TNRC6B: variants seen among roughly 807,000 people sequenced by gnomAD.
The protein encoded by TNRC6B is trinucleotide repeat-containing gene 6B protein.
Under a neutral mutation model 203.6 loss-of-function variants are expected in TNRC6B, and 52 were observed. The observed-to-expected ratio is 0.26, with a 90% CI of 0.20 to 0.32. The LOEUF (loss-of-function observed/expected upper bound fraction) is 0.32. TNRC6B is among the 10% of genes least tolerant of loss of function. TNRC6B has a pLI of 1.00. For missense variants in TNRC6B, 1,923 were observed against 2,286.2 expected, an observed-to-expected ratio of 0.84 and a Z score of 3.24; for synonymous variants, 838 against 845.7, an observed-to-expected ratio of 0.99 and a Z score of 0.16.
At chr22:40,154,871 A>ATG (rs2068803922) in intron 3 of TNRC6B, among the ~76,000 whole-genome samples, 1 of 44,154 alleles carries the variant, frequency 2.3e-5, no homozygotes, top group Non-Finnish European at 3.9e-5. Flanking sequence ...ATATATATAT[A>ATG]TATATATATA....
chr22:40,085,002 G>A (rs1601806413), intron 1 of TNRC6B, among the ~76,000 whole-genome samples: 1 of 152,170 alleles, frequency 6.6e-6, no homozygotes, highest in African/African-American at 2.4e-5. Flanking sequence ...GATGGTTTGT[G>A]ATTTCTGTTG....
Position 40,261,979 on chromosome 22 carries a change from C to T in TNRC6B, c.263C>T (p.Pro88Leu). The change falls in exon 4 of 23, where the codon CCT becomes CTT. Residue 88 changes from proline to leucine, a missense_variant. Transcript: ENST00000454349. ...CCGCCAAGCGCCGCCCGCTACATGC[C>T]TCGGGAGGTGCCGCCGCGATTCCGT... ...GQPPSAARYM[P>L]REVPPRFRCQ... 1 of 1,612,146 alleles carries T rather than the reference C, an allele frequency of 6.2e-7. No individual in the cohort carries two copies. The highest frequency in any genetic ancestry group is 8.5e-7 in the Non-Finnish European group (1 of 1,178,810).
In TNRC6B at chr22:40,265,389, A is replaced by G. The variant is rs759180898; in HGVS notation, c.1159A>G (p.Asn387Asp). The change falls in exon 5 of 23, where the codon AAC becomes GAC. Residue 387 changes from asparagine to aspartate, a missense_variant. Asn to Asp is a conservative substitution (Grantham distance 23). This residue lies in a region of TNRC6B where 614 missense variants were observed against 587.7 expected (regional missense o/e 1.04). Coordinates refer to ENST00000454349, the MANE Select transcript of TNRC6B (RefSeq NM_001162501.2). Reference sequence around the variant, plus strand: ...TAACTCCTTGAACTTAAGTTCACCAAACCCCATGGAGAATAAGGGAATGCC... The same window carrying G: ...TAACTCCTTGAACTTAAGTTCACCAGACCCCATGGAGAATAAGGGAATGCC... ...NTNSLNLSSP[N>D]PMENKGMPFG... 1.9e-6 allele frequency: 3 copies of G among 1,614,004 alleles called. No homozygotes were observed. The highest frequency in any genetic ancestry group is 2.5e-6 in the Non-Finnish European group (3 of 1,179,892).
intron 3 of TNRC6B, among the ~76,000 whole-genome samples, chr22:40,150,936 C>A (rs2068746125): frequency 6.6e-6 from 1 of 152,128 alleles, no homozygotes; most frequent in Non-Finnish European, 1.5e-5. Flanking sequence ...CTCTCCCTTA[C>A]CCCTCCCCTC....
chr22:40,087,250 G>A (rs2068108504), intron 1 of TNRC6B, among the ~76,000 whole-genome samples: 1 of 152,156 alleles, frequency 6.6e-6, no homozygotes, highest in South Asian at 2.1e-4. Context: ...ATGGAATATT[G>A]CCCCCTTATG....
At chr22:40,250,874 T>C (rs540492833) in intron 2 of TNRC6B, among the ~76,000 whole-genome samples, 45 of 152,162 alleles carry the variant, frequency 3.0e-4, no homozygotes, top group African/African-American at 1.1e-3. Context: ...TCTCTAGTCA[T>C]AGCATTCAAA....
At chr22:40,272,107 G>A (rs1250554524) in intron 6 of TNRC6B, among the ~76,000 whole-genome samples, 1 of 152,148 alleles carries the variant, frequency 6.6e-6, no homozygotes, top group African/African-American at 2.4e-5. Context: ...TAAAGCCTAT[G>A]CTTGTATAAT....
At chr22:40,292,400 C>A (rs2070880959) in intron 12 of TNRC6B, among the ~76,000 whole-genome samples, 1 of 151,036 alleles carries the variant, frequency 6.6e-6, no homozygotes, top group African/African-American at 2.4e-5. Flanking sequence ...AGATTTGTTA[C>A]AAATATTCCG....
chr22:40,166,256 TA>T (rs2068918412), intron 4 of TNRC6B, among the ~76,000 whole-genome samples: 1 of 152,070 alleles, frequency 6.6e-6, no homozygotes, highest in Admixed American at 6.6e-5. Flanking sequence ...AAGACAAAAC[TA>T]GGTTCAAAAG....
At chr22:40,316,692 C>T (rs987503615) in intron 21 of TNRC6B, among the ~76,000 whole-genome samples, 3 of 152,202 alleles carry the variant, frequency 2.0e-5, no homozygotes, top group African/African-American at 7.2e-5. Context: ...CTCCTGATCA[C>T]TGCAAAGAGG....
chr22:40,047,008 C>T (rs1330916812), intron 1 of TNRC6B, among the ~76,000 whole-genome samples: 2 of 152,118 alleles, frequency 1.3e-5, no homozygotes, highest in African/African-American at 2.4e-5. Context: ...TATTAGCTAA[C>T]ATTTATTGTA....
intron 1 of TNRC6B, among the ~76,000 whole-genome samples, chr22:40,065,119 G>T (rs971677703): frequency 1.3e-5 from 2 of 149,458 alleles, no homozygotes; most frequent in African/African-American, 4.9e-5. Flanking sequence ...GAGGGTGGGG[G>T]TGGAGGGAGG....
intron 1 of TNRC6B, among the ~76,000 whole-genome samples, chr22:40,232,725 A>G (rs762222585): frequency 7.9e-5 from 12 of 152,244 alleles, no homozygotes; most frequent in Non-Finnish European, 1.2e-4. Context: ...GTTTTTAAAA[A>G]TAGCTGGCTG....
At position 40,310,863 on chromosome 22, in the gene TNRC6B, C is replaced by T. The variant is rs763271152; in HGVS notation, c.4305C>T (p.Asn1435=). ...PGKTRGGSPY[N]QFDIIPGDTL... ...AAACCCGGGGAGGGTCACCGTACAA[C>T]CAGTTTGATATCATCCCTGGTGACA... Residue 1435 remains asparagine (N), a synonymous_variant, in exon 17 of 23, where the codon AAC becomes AAT. Transcript: ENST00000454349. 2 of 1,612,928 alleles carry T rather than the reference C, an allele frequency of 1.2e-6. No individual in the cohort carries two copies. Among genetic ancestry groups the T allele is most frequent in the South Asian group, 2.2e-5 (2 of 90,824 alleles).
At chr22:40,278,894 C>T (rs2070688571) in intron 9 of TNRC6B, among the ~76,000 whole-genome samples, 1 of 152,192 alleles carries the variant, frequency 6.6e-6, no homozygotes, top group Admixed American at 6.5e-5. Context: ...GCGTGTGCCG[C>T]CACGCACAGC....
chr22:40,161,895 C>T (rs2068874407), intron 4 of TNRC6B, among the ~76,000 whole-genome samples: 1 of 152,144 alleles, frequency 6.6e-6, no homozygotes, highest in Non-Finnish European at 1.5e-5. Flanking sequence ...GACGTGTTTA[C>T]TGCAGGAGTA....
At chr22:40,128,324 T>C (rs957882607) in intron 3 of TNRC6B, among the ~76,000 whole-genome samples, 2 of 152,196 alleles carry the variant, frequency 1.3e-5, no homozygotes, top group Non-Finnish European at 2.9e-5. Context: ...ATATTTGGAA[T>C]GATTTAATGT....
At chr22:40,117,965 GC>G (rs1459851720) in intron 2 of TNRC6B, among the ~76,000 whole-genome samples, 8 of 152,260 alleles carry the variant, frequency 5.3e-5, no homozygotes, top group Non-Finnish European at 1.2e-4. Flanking sequence ...GCCCCCACAA[GC>G]AAGAAAGGAT....
intron 1 of TNRC6B, among the ~76,000 whole-genome samples, chr22:40,190,266 A>G (rs868585351): frequency 1.1e-4 from 16 of 152,174 alleles, no homozygotes; most frequent in African/African-American, 3.6e-4. Context: ...ACCATTCTAC[A>G]TTCGTGTCTG....
Sources: gnomAD v4.1 joint callset for allele counts (sites outside exome capture counted in the v4.1 genomes callset) on GRCh38, gnomAD v4.1.1 for gene constraint, gnomAD v4.1.1 regional missense constraint, MANE v1.5 for transcripts, NCBI Gene and HGNC (gene_info 2026-07-23, HGNC 2026-07-21) for gene names.